Variants in AKAP12 observed in about 807,000 individuals in gnomAD.
The protein encoded by AKAP12 is A-kinase anchoring protein 12, also known as A-kinase anchor protein 12.
A neutral mutation model predicts 79.9 loss-of-function variants in AKAP12; 32 were observed. The ratio of observed to expected loss-of-function variants is 0.40; its 90% CI spans 0.30 to 0.54. The LOEUF is 0.54. Ranked by LOEUF, AKAP12 falls within the 20% of genes least tolerant of loss-of-function variation. The probability of loss-of-function intolerance (pLI) is 0.48; values close to 1 mark genes in which losing one functional copy is unlikely to be tolerated. For synonymous variants in AKAP12, 808 were observed against 857.0 expected (o/e 0.94, Z 1.00); for missense variants, 2,074 against 2,177.0 (o/e 0.95, Z 0.94).
At chr6:151,302,509 C>G (rs1176616140) in intron 2 of AKAP12, among the ~76,000 whole-genome samples, 1 of 152,000 alleles carries the variant, frequency 6.6e-6, no homozygotes, top group African/African-American at 2.4e-5. Flanking sequence ...GTGCTATAGT[C>G]TTCATGTTTA....
chr6:151,320,250 C>T (rs937108603), intron 3 of AKAP12, among the ~76,000 whole-genome samples: 4 of 151,840 alleles, frequency 2.6e-5, no homozygotes, highest in Admixed American at 6.6e-5. Flanking sequence ...ACTCCGAGGC[C>T]TCTCCCGTTC....
intron 3 of AKAP12, among the ~76,000 whole-genome samples, chr6:151,333,470 G>T (rs1777732641): frequency 6.6e-6 from 1 of 152,160 alleles, no homozygotes. Flanking sequence ...ACTTTCTCAG[G>T]CCGGGCGCAG....
At chr6:151,297,895 G>A (rs1042926175) in intron 2 of AKAP12, among the ~76,000 whole-genome samples, 3 of 152,178 alleles carry the variant, frequency 2.0e-5, no homozygotes, top group African/African-American at 7.2e-5. Context: ...GGGATAGCAC[G>A]TGGACCTTGA....
At chr6:151,322,367 C>T (rs1276477240) in intron 3 of AKAP12, among the ~76,000 whole-genome samples, 1 of 152,154 alleles carries the variant, frequency 6.6e-6, no homozygotes, top group African/African-American at 2.4e-5. Context: ...TCTTTGCTCA[C>T]TTTTAATGGA....
At chr6:151,291,453 G>C (rs1271171649) in intron 2 of AKAP12, among the ~76,000 whole-genome samples, 2 of 152,154 alleles carry the variant, frequency 1.3e-5, no homozygotes, top group Non-Finnish European at 2.9e-5. Context: ...TACCAGCTAA[G>C]AAGGGGTCTT....
Position 151,306,186 on chromosome 6 carries a change from C to G in AKAP12, c.319+283C>G, listed in dbSNP as rs529295827. Among the ~76,000 whole-genome samples, 20 of 152,296 alleles carry G rather than the reference C, an allele frequency of 1.3e-4. No homozygotes were observed. The South Asian group carries it at 4.1e-3, about 32-fold the overall frequency. On this transcript the variant is annotated intron_variant, in intron 3 of 4. Coordinates refer to ENST00000402676, the MANE Select transcript of AKAP12 (RefSeq NM_005100.4). ...GTTGAATGTGAATTCTTGTTGGAAA[C>G]AGAAGTCATGGTTGCTTTAAAAGAG... is the stretch of plus-strand genomic sequence containing the variant.
At chr6:151,332,054 T>TTTGG (rs1777690704) in intron 3 of AKAP12, among the ~76,000 whole-genome samples, 1 of 144,824 alleles carries the variant, frequency 6.9e-6, no homozygotes, top group African/African-American at 2.6e-5. Flanking sequence ...TTTTTTTTTT[T>TTTGG]GAGACAGTCT....
chr6:151,305,566 A>G (rs1776960674), intron 2 of AKAP12, among the ~76,000 whole-genome samples, 181 bp from the exon 3 acceptor site: 3 of 152,180 alleles, frequency 2.0e-5, no homozygotes, highest in African/African-American at 7.2e-5. Context: ...ACAAGGCCCT[A>G]TCTGCTTGTA....
chr6:151,250,612 C>T (rs7761513), intron 2 of AKAP12, among the ~76,000 whole-genome samples: 92,075 of 149,018 alleles, frequency 0.62, 28,331 homozygotes, highest in Admixed American at 0.74. Context: ...AGATATTTTC[C>T]TTTTTTTTTT....
intron 2 of AKAP12, among the ~76,000 whole-genome samples, chr6:151,289,457 A>G (rs888399707): frequency 2.0e-5 from 3 of 152,220 alleles, no homozygotes; most frequent in Admixed American, 6.5e-5. Flanking sequence ...TTGGTAGCAA[A>G]CACCAACCAG....
intron 3 of AKAP12, among the ~76,000 whole-genome samples, chr6:151,341,213 G>A (rs899763998): frequency 6.6e-6 from 1 of 151,872 alleles, no homozygotes. Context: ...CACCACGCCC[G>A]GCTAATTTGT....
At chr6:151,283,231 A>T (rs1234282349) in intron 2 of AKAP12, among the ~76,000 whole-genome samples, 2 of 152,218 alleles carry the variant, frequency 1.3e-5, no homozygotes, top group African/African-American at 4.8e-5. Flanking sequence ...AGGATATTGC[A>T]TTAAATCAAC....
chr6:151,268,767 T>C (rs1776108092), intron 2 of AKAP12, among the ~76,000 whole-genome samples: 2 of 152,022 alleles, frequency 1.3e-5, no homozygotes, highest in Admixed American at 6.6e-5. Flanking sequence ...CTCAGCCTCC[T>C]GAGTTAGTTG....
chr6:151,289,445 AT>A (rs1202588902), intron 2 of AKAP12, among the ~76,000 whole-genome samples: 3 of 152,230 alleles, frequency 2.0e-5, no homozygotes, highest in Non-Finnish European at 4.4e-5. Context: ...GAAAAAATAG[AT>A]TTGGTAGCAA....
intron 3 of AKAP12, chr6:151,341,686 AGTGAGTAGCAC>A: frequency 8.2e-7 from 1 of 1,220,282 alleles, no homozygotes; most frequent in Non-Finnish European, 1.0e-6. Flanking sequence ...TAAACTCTGC[AGTGAGTAGCAC>A]GTGCACCCAA....
intron 2 of AKAP12, among the ~76,000 whole-genome samples, chr6:151,271,901 C>T (rs1005738987): frequency 1.3e-5 from 2 of 152,070 alleles, no homozygotes; most frequent in African/African-American, 4.8e-5. Context: ...TGCAAATGAT[C>T]CACCCACCTC....
rs1458574937 is a variant in AKAP12 at position 151,349,962 on chromosome 6, G to A, written c.1571G>A (p.Gly524Asp). 19 of 1,614,022 alleles carry A rather than the reference G, an allele frequency of 1.2e-5. No individual in the cohort carries two copies. Among genetic ancestry groups the A allele is most frequent in the Non-Finnish European group, 1.5e-5 (18 of 1,180,020 alleles). The change falls in exon 4 of 5, where the codon GGC (glycine) becomes GAC (aspartate). Residue 524 changes from glycine to aspartate, a missense_variant. Physicochemically the swap from Gly to Asp is moderately conservative, Grantham distance 94 (BLOSUM62 -1). Transcript: ENST00000402676. ...SPLKKLFTSTGLKKLSGKKQK... is the reference protein window; with the variant it reads ...SPLKKLFTSTDLKKLSGKKQK... The stretch of plus-strand genomic sequence containing the variant: ...CTAAAGAAGCTTTTTACCAGCACTG[G>A]CTTAAAAAAGCTTTCTGGAAAGAAA...
At chr6:151,318,869 G>A (rs1212809888) in intron 3 of AKAP12, among the ~76,000 whole-genome samples, 1 of 152,166 alleles carries the variant, frequency 6.6e-6, no homozygotes, top group Non-Finnish European at 1.5e-5. Context: ...CTTGAGCCCA[G>A]GAGGTTGAGG....
Position 151,350,387 on chromosome 6 carries a change from C to T in AKAP12, c.1996C>T (p.Pro666Ser). Residue 666 changes from proline (P) to serine (S), a missense_variant, in exon 4 of 5, where the codon CCG becomes TCG. Transcript: ENST00000402676. The surrounding 1 kb of genome is among the most constrained non-coding windows in gnomAD (Gnocchi z 4.8). ...EMKGSVEEPK[P>S]EEPKRKVDTS... is the part of the protein sequence containing the mutation. ...GAAAGGGAGCGTGGAAGAGCCAAAG[C>T]CGGAAGAACCAAAGCGCAAGGTGGA... 1 of 1,613,442 alleles carries T rather than the reference C, an allele frequency of 6.2e-7. No homozygotes were observed. Among genetic ancestry groups the T allele is most frequent in the Non-Finnish European group, 8.5e-7 (1 of 1,179,960 alleles).
Sources: gnomAD v4.1 joint callset for allele counts (sites outside exome capture counted in the v4.1 genomes callset) on GRCh38, gnomAD v4.1.1 for gene constraint, Gnocchi (gnomAD v3.1) non-coding constraint, MANE v1.5 for transcripts, NCBI Gene and HGNC (gene_info 2026-07-23, HGNC 2026-07-21) for gene names.